The following KCNH7 variants were observed in gnomAD, a reference collection of about 807,000 sequenced individuals.
KCNH7 encodes the protein potassium voltage-gated channel subfamily H member 7.
In KCNH7, 49 loss-of-function variants were observed where a neutral mutation model predicts 120.8. The observed-to-expected ratio is 0.41, with a 90% CI of 0.32 to 0.51. The LOEUF is 0.51. KCNH7 is among the 20% of genes least tolerant of loss of function. KCNH7 has a pLI of 0.38. For synonymous variants in KCNH7, 547 were observed against 516.1 expected (o/e 1.06, Z -0.81); for missense variants, 1,097 against 1,446.6 (o/e 0.76, Z 3.92).
chr2:162,581,920 A>C (rs1384432751), intron 2 of KCNH7, among the ~76,000 whole-genome samples: 1 of 152,228 alleles, frequency 6.6e-6, no homozygotes, highest in Middle Eastern at 3.4e-3. Flanking sequence ...TACTCATGTT[A>C]AAAGGATAAA....
At chr2:162,463,080 T>C (rs1689196659) in intron 6 of KCNH7, among the ~76,000 whole-genome samples, 1 of 151,952 alleles carries the variant, frequency 6.6e-6, no homozygotes, top group Non-Finnish European at 1.5e-5. Flanking sequence ...TAAGAGTCTG[T>C]AAAACCCGAC....
intron 2 of KCNH7, among the ~76,000 whole-genome samples, chr2:162,768,400 A>G (rs1271790478): frequency 6.6e-6 from 1 of 152,098 alleles, no homozygotes; most frequent in Non-Finnish European, 1.5e-5. Flanking sequence ...AACAGCATCG[A>G]TCATCTAGCA....
chr2:162,747,242 A>G (rs373888287), intron 2 of KCNH7, among the ~76,000 whole-genome samples: 1 of 152,182 alleles, frequency 6.6e-6, no homozygotes, highest in East Asian at 1.9e-4. Context: ...TTGAATGAGT[A>G]AGAAAACTGT....
intron 3 of KCNH7, among the ~76,000 whole-genome samples, chr2:162,522,082 G>A (rs1026966514): frequency 5.3e-5 from 8 of 151,874 alleles, no homozygotes; most frequent in African/African-American, 1.7e-4. Flanking sequence ...ACAGTGCATC[G>A]TGACAACTGT....
chr2:162,741,702 A>ATTT (rs1315491663), intron 2 of KCNH7, among the ~76,000 whole-genome samples: 1 of 152,138 alleles, frequency 6.6e-6, no homozygotes, highest in Non-Finnish European at 1.5e-5. Context: ...AAACATAAAC[A>ATTT]TAATGGTATT....
At chr2:162,754,720 T>C (rs937451367) in intron 2 of KCNH7, among the ~76,000 whole-genome samples, 3 of 152,104 alleles carry the variant, frequency 2.0e-5, no homozygotes, top group Non-Finnish European at 4.4e-5. Flanking sequence ...GAAAAGGAGA[T>C]GGAGAAAAGT....
At chr2:162,516,536 G>T (rs1478492513) in intron 4 of KCNH7, among the ~76,000 whole-genome samples, 1 of 151,752 alleles carries the variant, frequency 6.6e-6, no homozygotes, top group Non-Finnish European at 1.5e-5. Context: ...AATGAGGCTA[G>T]AAAAATAAGT....
At chr2:162,491,876 T>TG (rs1429015502) in intron 6 of KCNH7, among the ~76,000 whole-genome samples, 1 of 152,166 alleles carries the variant, frequency 6.6e-6, no homozygotes, top group African/African-American at 2.4e-5. Context: ...GGGATTCCTT[T>TG]GGGGAAAAAA....
Position 162,371,429 on chromosome 2 carries a change from T to C in KCNH7, c.*400A>G. On this transcript the variant is annotated 3_prime_UTR_variant, in exon 16 of 16. Coordinates refer to ENST00000332142, the MANE Select transcript of KCNH7 (RefSeq NM_033272.4). ...CCCATGAGTTGAGGATCATCTGAAT[T>C]TGAGTTGCATCCATGAACAGTTTTA... The C allele has an allele frequency of 7.8e-7, 1 of 1,288,138 alleles. No individual in the cohort carries two copies. The highest frequency in any genetic ancestry group is 2.3e-5 in the Admixed American group (1 of 42,946). The allele number at this position is 1,288,138 out of a possible 1,614,324, so 79.8% of individuals were successfully genotyped here.
chr2:162,523,242 A>G (rs1691592465), intron 3 of KCNH7, among the ~76,000 whole-genome samples: 1 of 151,824 alleles, frequency 6.6e-6, no homozygotes. Context: ...ATAAATGCAT[A>G]CACACAATTT....
chr2:162,538,184 A>T (rs1312267208), intron 2 of KCNH7: 1 of 152,134 alleles, frequency 6.6e-6, no homozygotes, highest in Non-Finnish European at 1.5e-5. Context: ...GGCCCAACAC[A>T]AATTTGTAAA....
At chr2:162,766,422 C>T (rs1442990828) in intron 2 of KCNH7, among the ~76,000 whole-genome samples, 1 of 152,120 alleles carries the variant, frequency 6.6e-6, no homozygotes, top group South Asian at 2.1e-4. Context: ...GCAATAGAGT[C>T]CCTTTTGTTA....
intron 14 of KCNH7, among the ~76,000 whole-genome samples, chr2:162,378,778 G>A (rs1686304699): frequency 6.6e-6 from 1 of 152,190 alleles, no homozygotes; most frequent in Non-Finnish European, 1.5e-5. Flanking sequence ...ACCTACGAAA[G>A]GCTAATGAAA....
chr2:162,374,051 T>C (rs1216364756), intron 14 of KCNH7, among the ~76,000 whole-genome samples: 2 of 152,224 alleles, frequency 1.3e-5, no homozygotes, highest in African/African-American at 4.8e-5. Flanking sequence ...AAAAAATAGA[T>C]TGGTAGCACA....
At chr2:162,635,477 A>G (rs909361397) in intron 2 of KCNH7, among the ~76,000 whole-genome samples, 1 of 152,072 alleles carries the variant, frequency 6.6e-6, no homozygotes, top group African/African-American at 2.4e-5. Flanking sequence ...TGAATTATCT[A>G]TTGCCTCAAG....
At chr2:162,680,309 ACCGAGTC>A (rs1685668813) in intron 2 of KCNH7, among the ~76,000 whole-genome samples, 1 of 151,668 alleles carries the variant, frequency 6.6e-6, no homozygotes, top group South Asian at 2.1e-4. Context: ...CAACATACAA[ACCGAGTC>A]ACATGAAAAA....
intron 8 of KCNH7, among the ~76,000 whole-genome samples, chr2:162,431,096 A>G (rs1366772860): frequency 3.9e-5 from 6 of 152,234 alleles, no homozygotes; most frequent in Non-Finnish European, 5.9e-5. Context: ...AAAAATGCAT[A>G]TAACAATCTA....
chr2:162,627,358 T>G (rs1294522795), intron 2 of KCNH7, among the ~76,000 whole-genome samples: 1 of 152,142 alleles, frequency 6.6e-6, no homozygotes, highest in East Asian at 1.9e-4. Flanking sequence ...AACTTATCAA[T>G]GCCATAGTTA....
intron 9 of KCNH7, among the ~76,000 whole-genome samples, chr2:162,413,994 G>A (rs1687470033): frequency 1.3e-5 from 2 of 152,010 alleles, no homozygotes; most frequent in South Asian, 4.2e-4. Flanking sequence ...AATAATATGT[G>A]TGTATGTATA....
Sources: allele counts gnomAD v4.1 joint callset (sites outside exome capture counted in the v4.1 genomes callset), GRCh38; gene constraint gnomAD v4.1.1; transcripts MANE v1.5; gene names NCBI Gene and HGNC (gene_info 2026-07-23, HGNC 2026-07-21).